Variants in MYRIP observed in about 807,000 individuals in gnomAD.
MYRIP encodes rab effector MyRIP.
MYRIP carries 49 observed loss-of-function variants against 98.0 expected under a neutral mutation model. The ratio of observed to expected loss-of-function variants is 0.50; its 90% CI spans 0.40 to 0.63. The LOEUF (loss-of-function observed/expected upper bound fraction) is 0.63. MYRIP is among the 30% of genes least tolerant of loss of function. MYRIP has a pLI of 0.00. For synonymous variants in MYRIP, 404 were observed against 409.5 expected, an observed-to-expected ratio of 0.99 and a Z score of 0.16; for missense variants, 1,004 against 1,058.2, an observed-to-expected ratio of 0.95 and a Z score of 0.71.
chr3:39,926,934 A>C (rs778513247), intron 2 of MYRIP, among the ~76,000 whole-genome samples: 1 of 152,068 alleles, frequency 6.6e-6, no homozygotes, highest in South Asian at 2.1e-4. Flanking sequence ...GGCCATTTTA[A>C]CAATGTTAAT....
chr3:40,070,877 G>A (rs1200894296), intron 3 of MYRIP, among the ~76,000 whole-genome samples: 1 of 152,178 alleles, frequency 6.6e-6, no homozygotes, highest in South Asian at 2.1e-4. Flanking sequence ...TCCAGCTTCT[G>A]AGAGATGTTG....
At chr3:39,904,910 A>G (rs1410261085) in intron 2 of MYRIP, among the ~76,000 whole-genome samples, 4 of 152,064 alleles carry the variant, frequency 2.6e-5, no homozygotes, top group Non-Finnish European at 5.9e-5. Context: ...CTGTTGGGGG[A>G]AGATAGAGAA....
intron 2 of MYRIP, among the ~76,000 whole-genome samples, chr3:39,941,354 A>G (rs1944779403): frequency 6.6e-6 from 1 of 152,028 alleles, no homozygotes; most frequent in South Asian, 2.1e-4. Context: ...GCCATTCATG[A>G]AAGAGCCACC....
chr3:40,071,240 T>A (rs1195191961), intron 3 of MYRIP: 1 of 971,396 alleles, frequency 1.0e-6, no homozygotes, highest in Admixed American at 6.2e-5. Flanking sequence ...AGAATCTTGC[T>A]GGAGTTGGGG....
At chr3:40,023,310 C>A (rs1445294012) in intron 2 of MYRIP, among the ~76,000 whole-genome samples, 1 of 152,154 alleles carries the variant, frequency 6.6e-6, no homozygotes, top group African/African-American at 2.4e-5. Context: ...AAAACAGAAA[C>A]CATCTAAATA....
chr3:39,947,436 C>G (rs1175402487), intron 2 of MYRIP, among the ~76,000 whole-genome samples: 6 of 151,788 alleles, frequency 4.0e-5, no homozygotes. Flanking sequence ...AAAAAACCTC[C>G]CAATAAGACT....
At chr3:39,937,791 A>C (rs1303268890) in intron 2 of MYRIP, among the ~76,000 whole-genome samples, 1 of 152,368 alleles carries the variant, frequency 6.6e-6, no homozygotes, top group Non-Finnish European at 1.5e-5. Flanking sequence ...AAGAGCTTTT[A>C]GTATCCTTGA....
intron 1 of MYRIP, among the ~76,000 whole-genome samples, chr3:39,837,592 A>G (rs1941666201): frequency 6.6e-6 from 1 of 152,200 alleles, no homozygotes. Context: ...TTTTGGTACC[A>G]GTACCATGCT....
chr3:40,175,939 G>T (rs1032581670), intron 8 of MYRIP, among the ~76,000 whole-genome samples: 1 of 152,248 alleles, frequency 6.6e-6, no homozygotes, highest in Non-Finnish European at 1.5e-5. Flanking sequence ...CCCTGGGGAT[G>T]TGCAGCTGCT....
At chr3:40,203,943 A>ATATAT (rs1553626715) in intron 10 of MYRIP, among the ~76,000 whole-genome samples, 1 of 2,700 alleles carries the variant, frequency 3.7e-4, no homozygotes, top group African/African-American at 8.5e-4. Context: ...AATATATATT[A>ATATAT]TATATATTAT....
At chr3:39,947,084 A>G (rs900359023) in intron 2 of MYRIP, among the ~76,000 whole-genome samples, 1 of 152,322 alleles carries the variant, frequency 6.6e-6, no homozygotes, top group East Asian at 1.9e-4. Flanking sequence ...AGCTTTTAAT[A>G]TAACAGTTTT....
At chr3:39,822,503 T>C (rs1941133482) in intron 1 of MYRIP, among the ~76,000 whole-genome samples, 1 of 152,134 alleles carries the variant, frequency 6.6e-6, no homozygotes, top group African/African-American at 2.4e-5. Context: ...TTAGTGTTAG[T>C]GTATTTTATG....
intron 2 of MYRIP, among the ~76,000 whole-genome samples, chr3:40,033,820 T>A (rs979554131): frequency 2.0e-5 from 3 of 152,048 alleles, no homozygotes; most frequent in African/African-American, 7.3e-5. Context: ...GACTTCAAAC[T>A]ATACTACAAG....
chr3:40,248,094 TG>T (rs113684092), intron 13 of MYRIP: 3 of 152,408 alleles, frequency 2.0e-5, no homozygotes, highest in South Asian at 2.1e-4. Flanking sequence ...TCTTGCAGGA[TG>T]GTAGGAGGGT....
chr3:39,998,428 A>G (rs1360300413), intron 2 of MYRIP, among the ~76,000 whole-genome samples: 3 of 152,222 alleles, frequency 2.0e-5, no homozygotes, highest in Admixed American at 6.5e-5. Flanking sequence ...CTCATTCGCA[A>G]TTGCTTCAAA....
intron 1 of MYRIP, among the ~76,000 whole-genome samples, chr3:39,856,860 G>T (rs1001294979): frequency 6.6e-6 from 1 of 152,142 alleles, no homozygotes; most frequent in African/African-American, 2.4e-5. Context: ...GGTTCATAAA[G>T]AATCAAGGAA....
chr3:40,104,703 T>A (rs937150818), intron 3 of MYRIP, among the ~76,000 whole-genome samples: 2 of 152,222 alleles, frequency 1.3e-5, no homozygotes, highest in Admixed American at 6.5e-5. Flanking sequence ...CTGAGTTATT[T>A]TTAATCTAAA....
chr3:40,063,385 T>A (rs1015005910), intron 3 of MYRIP, among the ~76,000 whole-genome samples: 4 of 152,220 alleles, frequency 2.6e-5, no homozygotes, highest in Admixed American at 6.5e-5. Flanking sequence ...AGTGTCCTTG[T>A]TCTTGGAAAT....
At chr3:39,871,764 T>C (rs1275294523) in intron 1 of MYRIP, among the ~76,000 whole-genome samples, 1 of 152,010 alleles carries the variant, frequency 6.6e-6, no homozygotes, top group Non-Finnish European at 1.5e-5. Context: ...TTTTCAGAGG[T>C]TGTGATGATG....
Sources: allele counts gnomAD v4.1 joint callset (sites outside exome capture counted in the v4.1 genomes callset), GRCh38; gene constraint gnomAD v4.1.1; transcripts MANE v1.5; gene names NCBI Gene and HGNC (gene_info 2026-07-23, HGNC 2026-07-21).